The following KAZN variants were observed in gnomAD, a reference collection of about 807,000 sequenced individuals.
KAZN encodes the protein kazrin, periplakin interacting protein, also known as kazrin.
KAZN carries 40 observed loss-of-function variants against 87.4 expected under a neutral mutation model. That is an observed-to-expected ratio of 0.46 (90% CI 0.36 to 0.60). KAZN has a LOEUF of 0.60. KAZN is among the 20% of genes least tolerant of loss of function. The probability of loss-of-function intolerance (pLI) is 0.00; values close to 1 mark genes in which losing one functional copy is unlikely to be tolerated. For synonymous variants in KAZN, 466 were observed against 458.3 expected, an observed-to-expected ratio of 1.02 and a Z score of -0.22; for missense variants, 898 against 1,073.9, an observed-to-expected ratio of 0.84 and a Z score of 2.29.
intron 2 of KAZN, among the ~76,000 whole-genome samples, chr1:14,421,311 A>G (rs961176695): frequency 3.9e-5 from 6 of 152,158 alleles, no homozygotes; most frequent in South Asian, 2.1e-4. Flanking sequence ...GAATTTGGTT[A>G]TTGACTCTGT....
At chr1:14,822,388 T>A (rs1646759866) in intron 1 of KAZN, among the ~76,000 whole-genome samples, 1 of 151,814 alleles carries the variant, frequency 6.6e-6, no homozygotes, top group Non-Finnish European at 1.5e-5. Flanking sequence ...CCAAGATTCT[T>A]TGGGTCTTTG....
At chr1:14,597,387 G>A (rs1676581260), upstream of KAZN, among the ~76,000 whole-genome samples, 2 of 152,130 alleles carry the variant, frequency 1.3e-5, no homozygotes. Context: ...TATCATCCAA[G>A]GCCTCCTGAA....
At chr1:14,418,825 G>T (rs768868601) in intron 2 of KAZN, among the ~76,000 whole-genome samples, 6 of 152,162 alleles carry the variant, frequency 3.9e-5, no homozygotes, top group Non-Finnish European at 7.4e-5. Context: ...TCAGAGTCTT[G>T]TGAGTTTGGT....
At chr1:13,955,659 G>A (rs1641517818) in intron 1 of KAZN, among the ~76,000 whole-genome samples, 1 of 152,148 alleles carries the variant, frequency 6.6e-6, no homozygotes. Flanking sequence ...ACAGGTGTGT[G>A]AGCCTTAAAG....
Position 14,816,981 on chromosome 1 carries a change from G to A in KAZN, c.227-143703G>A, listed in dbSNP as rs1646585443. Among the ~76,000 whole-genome samples the A allele has an allele frequency of 2.0e-5, 3 of 152,160 alleles. No homozygotes were observed. In the South Asian group the frequency reaches 6.2e-4, roughly 32 times the overall value. On this transcript the variant is annotated intron_variant, in intron 1 of 14. Transcript: ENST00000376030. The stretch of plus-strand genomic sequence containing the variant: ...AGTATCATTTCTATTTTCTAGAAGG[G>A]AAACTGAGGTTTAGAGAGATAACTC...
intron 1 of KAZN, among the ~76,000 whole-genome samples, chr1:14,174,643 C>A (rs1646030172): frequency 6.6e-6 from 1 of 152,212 alleles, no homozygotes; most frequent in Non-Finnish European, 1.5e-5. Flanking sequence ...AGGGCCAATA[C>A]ACAGAGACCA....
intron 1 of KAZN, among the ~76,000 whole-genome samples, chr1:14,669,245 C>T (rs1639766040): frequency 2.0e-5 from 3 of 152,094 alleles, no homozygotes; most frequent in African/African-American, 2.4e-5. Context: ...GAAAAGGGGC[C>T]GTCTGGGCTC....
In KAZN at chr1:15,021,180, G is replaced by A. The variant is rs997541812; in HGVS notation, c.419-13569G>A. Among the ~76,000 whole-genome samples the A allele has an allele frequency of 1.1e-4, 17 of 152,252 alleles. No homozygotes were observed. Among genetic ancestry groups the A allele is most frequent in the African/African-American group, 4.1e-4 (17 of 41,536 alleles). ...CCAGTGTCCTGCCTCCCTGTCCACC[G>A]GCCATTCCCTGCTCCATGCTGCCTC... On this transcript the variant is annotated intron_variant, in intron 2 of 14. Coordinates refer to ENST00000376030, the MANE Select transcript of KAZN (RefSeq NM_201628.3). This position sits in a 1 kb window ranked among gnomAD's most constrained non-coding sequence, Gnocchi z 4.2.
At chr1:14,719,932 A>G (rs1357891347) in intron 1 of KAZN, among the ~76,000 whole-genome samples, 1 of 152,106 alleles carries the variant, frequency 6.6e-6, no homozygotes, top group Non-Finnish European at 1.5e-5. Context: ...GCCCTACAGC[A>G]TGTTTGGAAA....
At chr1:14,642,144 A>G (rs1005443177) in intron 1 of KAZN, among the ~76,000 whole-genome samples, 1 of 152,230 alleles carries the variant, frequency 6.6e-6, no homozygotes, top group African/African-American at 2.4e-5. Context: ...TTAAGCCTGT[A>G]ATCCCAGCAC....
chr1:15,068,176 C>T, intron 8 of KAZN: 2 of 820,462 alleles, frequency 2.4e-6, no homozygotes, highest in Non-Finnish European at 2.9e-6. Flanking sequence ...TATTTGATTG[C>T]TTCTATTTGG....
chr1:14,890,225 A>G (rs914419605), intron 1 of KAZN, among the ~76,000 whole-genome samples: 20 of 152,196 alleles, frequency 1.3e-4, no homozygotes, highest in African/African-American at 4.3e-4. Context: ...CTGGCTGGTC[A>G]AGGCAATTGA....
At chr1:14,620,052 C>CCCCTGCTA (rs1249908782) in intron 1 of KAZN, among the ~76,000 whole-genome samples, 2 of 152,172 alleles carry the variant, frequency 1.3e-5, no homozygotes, top group Non-Finnish European at 2.9e-5. Flanking sequence ...ATGAGCCTTG[C>CCCCTGCTA]CCCTGCTAGG....
At chr1:14,884,803 C>T (rs566582344) in intron 1 of KAZN, among the ~76,000 whole-genome samples, 10 of 152,356 alleles carry the variant, frequency 6.6e-5, no homozygotes, top group Admixed American at 2.0e-4. Flanking sequence ...CCCATCCTCT[C>T]GCCTTCCCCC....
At chr1:15,095,966 A>G (rs1426262518) in intron 10 of KAZN, among the ~76,000 whole-genome samples, 1 of 152,212 alleles carries the variant, frequency 6.6e-6, no homozygotes, top group Non-Finnish European at 1.5e-5. Context: ...TGGCACCATC[A>G]GGATGCTGGC....
At chr1:14,173,072 C>T (rs1436519388) in intron 1 of KAZN, among the ~76,000 whole-genome samples, 2 of 152,160 alleles carry the variant, frequency 1.3e-5, no homozygotes, top group African/African-American at 4.8e-5. Flanking sequence ...TGGGGACAAC[C>T]TTGTCACTAA....
chr1:14,637,096 G>A (rs2148668526), intron 1 of KAZN, among the ~76,000 whole-genome samples: 1 of 152,256 alleles, frequency 6.6e-6, no homozygotes, highest in Middle Eastern at 3.4e-3. Flanking sequence ...TCTCATTCCT[G>A]TGGTTGGCCG....
At chr1:14,817,070 A>G (rs553818734) in intron 1 of KAZN, among the ~76,000 whole-genome samples, 5 of 152,294 alleles carry the variant, frequency 3.3e-5, no homozygotes, top group South Asian at 4.1e-4. Flanking sequence ...CTGCCTCTCA[A>G]TGGGTACTGC....
chr1:14,816,998 A>C (rs968981589), intron 1 of KAZN, among the ~76,000 whole-genome samples: 2 of 152,178 alleles, frequency 1.3e-5, no homozygotes, highest in Non-Finnish European at 2.9e-5. Flanking sequence ...AGGTTTAGAG[A>C]GATAACTCAC....
Sources: allele counts gnomAD v4.1 joint callset (sites outside exome capture counted in the v4.1 genomes callset), GRCh38; gene constraint gnomAD v4.1.1; non-coding constraint Gnocchi (gnomAD v3.1); transcripts MANE v1.5; gene names NCBI Gene and HGNC (gene_info 2026-07-23, HGNC 2026-07-21).